Variants in NLGN4X observed in about 807,000 individuals in gnomAD.
NLGN4X encodes the protein neuroligin-4, X-linked.
In NLGN4X, 3 loss-of-function variants were observed where a neutral mutation model predicts 40.3. The observed-to-expected ratio is 0.07, with a 90% CI of 0.03 to 0.19. NLGN4X has a LOEUF of 0.19. NLGN4X is among the 10% of genes least tolerant of loss of function. NLGN4X has a pLI of 1.00. For synonymous variants in NLGN4X, 270 were observed against 306.8 expected (o/e 0.88, Z 1.25); for missense variants, 382 against 708.3 (o/e 0.54, Z 5.23).
At chrX:5,920,716 T>C (rs1370893769) in intron 3 of NLGN4X, among the ~76,000 whole-genome samples, 1 of 111,289 alleles carries the variant, frequency 9.0e-6, no homozygotes, top group East Asian at 2.8e-4. Context: ...TGAACCTGGG[T>C]AGGTGCCCTT....
In NLGN4X at chrX:5,892,444, C is replaced by T; in HGVS notation, c.*373G>A. 4.5e-6 allele frequency: 1 copy of T among 220,904 alleles called. No homozygotes were observed. Among genetic ancestry groups the T allele is most frequent in the Non-Finnish European group, 8.3e-6 (1 of 120,728 alleles). 18.2% of individuals were successfully genotyped at this position (220,904 alleles called of 1,213,427 possible). On this transcript the variant is annotated 3_prime_UTR_variant, in exon 6 of 6. Transcript: ENST00000381095. ...TTGTAATTAAAAAATATCAAGTGTCCTTGGCTGAGTTTCAGAAGTGTCAGC... is the reference window on the plus strand; with the variant it reads ...TTGTAATTAAAAAATATCAAGTGTCTTTGGCTGAGTTTCAGAAGTGTCAGC...
At chrX:5,896,107 T>C (rs2031474127) in intron 5 of NLGN4X, among the ~76,000 whole-genome samples, 1 of 112,032 alleles carries the variant, frequency 8.9e-6, no homozygotes, top group African/African-American at 3.2e-5. Context: ...ATTAGATGTG[T>C]GGCTACCTCA....
intron 1 of NLGN4X, among the ~76,000 whole-genome samples, chrX:6,222,257 G>A (rs776133018): frequency 2.7e-4 from 30 of 111,042 alleles, no homozygotes; most frequent in Non-Finnish European, 4.9e-4. Flanking sequence ...GATGCCCACA[G>A]ATGTTAATAA....
intron 3 of NLGN4X, among the ~76,000 whole-genome samples, chrX:5,948,656 T>C (rs2034210700): frequency 8.9e-6 from 1 of 111,754 alleles, no homozygotes; most frequent in Non-Finnish European, 1.9e-5. Context: ...CTATGGAGGG[T>C]CCAACACCAA....
intron 1 of NLGN4X, among the ~76,000 whole-genome samples, chrX:6,200,875 T>C (rs866526851): frequency 9.2e-6 from 1 of 108,648 alleles, no homozygotes; most frequent in Non-Finnish European, 1.9e-5. Context: ...ATTATTATTA[T>C]TCTTTGTACA....
intron 3 of NLGN4X, among the ~76,000 whole-genome samples, chrX:5,971,875 T>A (rs888246327): frequency 3.6e-5 from 4 of 111,447 alleles, no homozygotes; most frequent in African/African-American, 9.8e-5. Flanking sequence ...GCAAAGAGCA[T>A]CCTAGTGCAT....
chrX:5,994,521 G>A (rs769869550), intron 3 of NLGN4X, among the ~76,000 whole-genome samples: 2 of 112,050 alleles, frequency 1.8e-5, no homozygotes, highest in East Asian at 5.6e-4. Context: ...GCAAAATGGT[G>A]AAAATTTTGG....
At chrX:6,221,339 G>A (rs1404171045) in intron 1 of NLGN4X, among the ~76,000 whole-genome samples, 1 of 95,820 alleles carries the variant, frequency 1.0e-5, no homozygotes, top group African/African-American at 3.9e-5. Flanking sequence ...TTTGGTGAAT[G>A]ATGAGGATAA....
chrX:6,166,661 G>C (rs982186674), intron 1 of NLGN4X, among the ~76,000 whole-genome samples: 1 of 110,338 alleles, frequency 9.1e-6, no homozygotes, highest in Non-Finnish European at 1.9e-5. Flanking sequence ...ACAGCTTTCT[G>C]CTTGTGGATA....
At chrX:6,021,438 T>G (rs6639580) in intron 3 of NLGN4X, among the ~76,000 whole-genome samples, 11 of 109,553 alleles carry the variant, frequency 1.0e-4, no homozygotes, top group African/African-American at 3.3e-4. Flanking sequence ...CAGGTCCTAA[T>G]GACAAAGCAC....
chrX:6,158,798 G>A (rs1170613563), intron 1 of NLGN4X, among the ~76,000 whole-genome samples: 1 of 111,610 alleles, frequency 9.0e-6, no homozygotes, highest in Non-Finnish European at 1.9e-5. Flanking sequence ...CTCCCCTCCG[G>A]GCATCCCCAG....
intron 2 of NLGN4X, among the ~76,000 whole-genome samples, chrX:6,140,866 C>T (rs1353541919): frequency 9.0e-6 from 1 of 110,619 alleles, no homozygotes; most frequent in East Asian, 2.8e-4. Flanking sequence ...GAGCAAGCCA[C>T]CACTTTCTAA....
rs183416132 is a variant in NLGN4X at position 5,939,827 on chromosome X, A to G, written c.626-30588T>C. 1.0e-3 allele frequency among the ~76,000 whole-genome samples: 117 copies of G among 112,035 alleles called. 2 individuals are homozygous for G. The highest frequency in any genetic ancestry group is 1.9e-3 in the Non-Finnish European group (100 of 53,218). ...TAATGTGGTTTACTTAGCAACACTAAGTCTTCAGGATGTGGTGTATCCGCA... is the reference window on the plus strand; with the variant it reads ...TAATGTGGTTTACTTAGCAACACTAGGTCTTCAGGATGTGGTGTATCCGCA... On this transcript the variant is annotated intron_variant, in intron 3 of 5. Coordinates refer to ENST00000381095, the MANE Select transcript of NLGN4X (RefSeq NM_181332.3).
chrX:6,140,457 GACACAC>G (rs34281533), intron 2 of NLGN4X, among the ~76,000 whole-genome samples: 1,394 of 95,914 alleles, frequency 0.015, 24 homozygotes, highest in African/African-American at 0.041. Flanking sequence ...TTCACACACA[GACACAC>G]ACACACACAC....
Position 6,043,575 on chromosome X carries a change from T to A in NLGN4X, c.473-14143A>T, listed in dbSNP as rs180763824. ...GTGTGGGACAAGGATTCTGAAGGGC[T>A]GGCACCTTTGGTGAATTCTCCTTTT... is the stretch of plus-strand genomic sequence containing the variant. On this transcript the variant is annotated intron_variant, in intron 2 of 5. Transcript: ENST00000381095. Among the ~76,000 whole-genome samples the A allele has an allele frequency of 3.8e-4, 42 of 111,713 alleles. No individual in the cohort carries two copies. The East Asian group carries it at 0.012, about 31-fold the overall frequency.
At chrX:6,010,719 G>A (rs1202671327) in intron 3 of NLGN4X, among the ~76,000 whole-genome samples, 2 of 109,146 alleles carry the variant, frequency 1.8e-5, no homozygotes, top group Non-Finnish European at 3.8e-5. Context: ...AGTAGAGACG[G>A]GGTATTGCCA....
At chrX:6,205,464 T>G (rs748985007) in intron 1 of NLGN4X, among the ~76,000 whole-genome samples, 2 of 112,326 alleles carry the variant, frequency 1.8e-5, no homozygotes, top group Non-Finnish European at 3.8e-5. Context: ...AGGGTCGCAT[T>G]AATCCAATTT....
chrX:6,163,042 T>C (rs116169363), intron 1 of NLGN4X, among the ~76,000 whole-genome samples: 1,632 of 111,450 alleles, frequency 0.015, 33 homozygotes, highest in African/African-American at 0.051. Context: ...CTGATGGTTT[T>C]ATAATGAGGA....
intron 2 of NLGN4X, among the ~76,000 whole-genome samples, chrX:6,038,076 C>T (rs1356444682): frequency 8.9e-6 from 1 of 111,961 alleles, no homozygotes; most frequent in Non-Finnish European, 1.9e-5. Context: ...AGGAGATGAA[C>T]ATCAGAGACA....
Sources: gnomAD v4.1 joint callset for allele counts (sites outside exome capture counted in the v4.1 genomes callset) on GRCh38, gnomAD v4.1.1 for gene constraint, MANE v1.5 for transcripts, NCBI Gene and HGNC (gene_info 2026-07-23, HGNC 2026-07-21) for gene names.